FTCDNL1: variants seen among roughly 807,000 people sequenced by gnomAD.
The protein encoded by FTCDNL1 is formiminotransferase N-terminal subdomain-containing protein.
In FTCDNL1, 11 loss-of-function variants were observed where a neutral mutation model predicts 5.9. The ratio of observed to expected loss-of-function variants is 1.87; its 90% confidence interval spans 1.18 to 3.10. The LOEUF (loss-of-function observed/expected upper bound fraction) is 3.10. FTCDNL1 is among the 30% of genes most tolerant of loss of function. FTCDNL1 has a pLI of 0.00. For missense variants in FTCDNL1, 115 were observed against 65.5 expected (o/e 1.76, Z -2.61); for synonymous variants, 58 against 24.8 (o/e 2.34, Z -3.99).
the FTCDNL1 span, among the ~76,000 whole-genome samples, chr2:199,747,105 C>T: frequency 6.6e-6 from 1 of 151,584 alleles, no homozygotes; most frequent in Non-Finnish European, 1.5e-5. Flanking sequence ...GATCCTTGAA[C>T]ATCAGATGAC....
the FTCDNL1 span, among the ~76,000 whole-genome samples, chr2:199,733,415 C>G: frequency 0.081 from 12,287 of 152,192 alleles, 1,023 homozygotes; most frequent in African/African-American, 0.18. Context: ...TAGGAATAGA[C>G]AGAAAAGAGA....
Position 199,812,057 on chromosome 2 carries a change from A to C in FTCDNL1, c.*648T>G, listed in dbSNP as rs1427100959. Reference sequence around the variant, plus strand: ...AAGAGGTAATCACTTAACACAGAATAATCATTTTTCAAACAGACCCTTGTT... The same window carrying C: ...AAGAGGTAATCACTTAACACAGAATCATCATTTTTCAAACAGACCCTTGTT... On this transcript the variant is annotated 3_prime_UTR_variant, in exon 5 of 5. Transcript: ENST00000420128. 6.6e-6 allele frequency among the ~76,000 whole-genome samples: 1 copy of C among 152,242 alleles called. No homozygotes were observed. Among genetic ancestry groups the C allele is most frequent in the Admixed American group, 6.5e-5 (1 of 15,280 alleles).
intron 3 of FTCDNL1, among the ~76,000 whole-genome samples, chr2:199,801,924 C>G (rs1215829158): frequency 6.9e-6 from 1 of 144,894 alleles, no homozygotes; most frequent in Non-Finnish European, 1.5e-5. Context: ...GGCGACAGAG[C>G]GAGACTCCAT....
At chr2:199,714,731 A>T in the FTCDNL1 span, among the ~76,000 whole-genome samples, 1 of 152,076 alleles carries the variant, frequency 6.6e-6, no homozygotes, top group Non-Finnish European at 1.5e-5. Context: ...TGACCACCAG[A>T]GAAAAGGGAG....
chr2:199,683,843 GT>G, the FTCDNL1 span, among the ~76,000 whole-genome samples: 1 of 152,250 alleles, frequency 6.6e-6, no homozygotes, highest in South Asian at 2.1e-4. Context: ...GTCTATGTCA[GT>G]TTAGCTAAAG....
chr2:199,830,867 A>T (rs752258901), intron 3 of FTCDNL1, among the ~76,000 whole-genome samples: 9 of 152,216 alleles, frequency 5.9e-5, no homozygotes, highest in Non-Finnish European at 1.3e-4. Context: ...AAAAAATAAA[A>T]TGCAGCTGAT....
chr2:199,751,184 C>T, the FTCDNL1 span, among the ~76,000 whole-genome samples: 2 of 152,232 alleles, frequency 1.3e-5, no homozygotes, highest in Non-Finnish European at 2.9e-5. Flanking sequence ...ACCTGCTTCC[C>T]TCACAGGAGT....
rs558890908 is a variant in FTCDNL1 at position 199,830,783 on chromosome 2, T to G, written c.212-11026A>C. ...GTACACATGCACGAGATACAGAAAT[T>G]TATTGTGCTAGAACATCATTGAGAA... On this transcript the variant is annotated intron_variant, in intron 3 of 4. Transcript: ENST00000420128. Among the ~76,000 whole-genome samples the G allele has an allele frequency of 3.9e-5, 6 of 152,280 alleles. No individual in the cohort carries two copies. The South Asian group carries it at 1.0e-3, about 26-fold the overall frequency.
the FTCDNL1 span, among the ~76,000 whole-genome samples, chr2:199,705,052 A>G: frequency 6.6e-6 from 1 of 152,182 alleles, no homozygotes; most frequent in Non-Finnish European, 1.5e-5. Flanking sequence ...GGCCACAGAA[A>G]CTACAAATGA....
At position 199,812,645 on chromosome 2, in the gene FTCDNL1, G is replaced by A; in HGVS notation, c.*60C>T. 1.5e-6 allele frequency: 1 copy of A among 668,356 alleles called. No individual in the cohort carries two copies. The highest frequency in any genetic ancestry group is 2.7e-6 in the Non-Finnish European group (1 of 370,164). 41.4% of individuals were successfully genotyped at this position (668,356 alleles called of 1,614,324 possible). A position where few individuals can be genotyped will look rare whatever the true frequency, so the allele number is the denominator to read the frequency against. On this transcript the variant is annotated 3_prime_UTR_variant, in exon 5 of 5. Coordinates refer to ENST00000420128, the MANE Select transcript of FTCDNL1 (RefSeq NM_001363886.2). The stretch of plus-strand genomic sequence containing the variant: ...CGCAGATTGGCACTCAGCTGCTCTG[G>A]TGGCAGCACGGATCCCCTCACTGCA...
chr2:199,850,318 G>C (rs2076841881), intron 1 of FTCDNL1, among the ~76,000 whole-genome samples: 1 of 152,154 alleles, frequency 6.6e-6, no homozygotes, highest in African/African-American at 2.4e-5. Context: ...GTTTTCATTT[G>C]TTTTCAGTGT....
the FTCDNL1 span, among the ~76,000 whole-genome samples, chr2:199,737,604 G>T: frequency 6.6e-6 from 1 of 152,156 alleles, no homozygotes; most frequent in Non-Finnish European, 1.5e-5. Context: ...CAATCTTTTA[G>T]AGAGATGAAA....
chr2:199,833,142 T>A (rs1031184782), intron 3 of FTCDNL1, among the ~76,000 whole-genome samples: 7 of 152,032 alleles, frequency 4.6e-5, no homozygotes, highest in South Asian at 4.1e-4. Flanking sequence ...CTAATTTTTT[T>A]AAAATTCCTT....
the FTCDNL1 span, among the ~76,000 whole-genome samples, chr2:199,669,397 G>A: frequency 1.3e-5 from 2 of 152,272 alleles, no homozygotes; most frequent in East Asian, 3.9e-4. Context: ...GTTTCCATCT[G>A]CCCCATGACC....
the FTCDNL1 span, among the ~76,000 whole-genome samples, chr2:199,679,725 C>T: frequency 6.7e-6 from 1 of 149,992 alleles, no homozygotes; most frequent in Non-Finnish European, 1.5e-5. Context: ...TGAAACAAAA[C>T]CTTTGATTTT....
At chr2:199,705,883 G>C in the FTCDNL1 span, among the ~76,000 whole-genome samples, 1 of 152,316 alleles carries the variant, frequency 6.6e-6, no homozygotes, top group South Asian at 2.1e-4. Context: ...GTTGCAGGTT[G>C]GACAGCTATG....
At chr2:199,692,244 G>C in the FTCDNL1 span, among the ~76,000 whole-genome samples, 1 of 152,046 alleles carries the variant, frequency 6.6e-6, no homozygotes, top group Non-Finnish European at 1.5e-5. Flanking sequence ...ATCTAAGCAG[G>C]GGGCAGAGAA....
chr2:199,746,050 C>G, the FTCDNL1 span, among the ~76,000 whole-genome samples: 2 of 152,162 alleles, frequency 1.3e-5, no homozygotes, highest in East Asian at 3.8e-4. Context: ...CAAGGTCAAC[C>G]AACCCAAAAA....
At chr2:199,686,627 C>T in the FTCDNL1 span, among the ~76,000 whole-genome samples, 2 of 152,058 alleles carry the variant, frequency 1.3e-5, no homozygotes, top group Non-Finnish European at 2.9e-5. Flanking sequence ...CTAAAGTATG[C>T]TTTTGATATA....
Sources: allele counts gnomAD v4.1 joint callset (sites outside exome capture counted in the v4.1 genomes callset), GRCh38; gene constraint gnomAD v4.1.1; transcripts MANE v1.5; gene names NCBI Gene and HGNC (gene_info 2026-07-23, HGNC 2026-07-21).